Variants in DCAF13 observed in about 807,000 individuals in gnomAD.
DCAF13 encodes the protein DDB1 and CUL4 associated factor 13.
A neutral mutation model predicts 59.0 loss-of-function variants in DCAF13; 38 were observed. The observed-to-expected ratio is 0.64, with a 90% CI of 0.50 to 0.84. DCAF13 has a LOEUF of 0.84. DCAF13 is among the 40% of genes least tolerant of loss of function. The pLI is 0.00. For missense variants in DCAF13, 469 were observed against 558.4 expected (o/e 0.84, Z 1.61); for synonymous variants, 173 against 175.0 (o/e 0.99, Z 0.09).
chr8:103,418,330 G>GCAT (rs1218542256), intron 1 of DCAF13, among the ~76,000 whole-genome samples: 1 of 151,624 alleles, frequency 6.6e-6, no homozygotes, highest in Non-Finnish European at 1.5e-5. Flanking sequence ...AGTAGCCTGG[G>GCAT]CATCATAAGG....
At chr8:103,416,547 G>C (rs900203038) in intron 1 of DCAF13, among the ~76,000 whole-genome samples, 1 of 152,018 alleles carries the variant, frequency 6.6e-6, no homozygotes, top group Non-Finnish European at 1.5e-5. Flanking sequence ...ACCCAGTTTA[G>C]CCGCTTTCTC....
rs1270002640 is a variant in DCAF13 at position 103,443,369 on chromosome 8, A to G, written c.*487A>G. On this transcript the variant is annotated 3_prime_UTR_variant, in exon 11 of 11. Transcript: ENST00000612750. ...TTGGCTTTTTGACTCTTTTAAAACA[A>G]TCAGCCTGCATTTATATAACTTTTA... 2 of 152,124 alleles carry G rather than the reference A, an allele frequency of 1.3e-5. No homozygotes were observed. The highest frequency in any genetic ancestry group is 2.4e-5 in the African/African-American group (1 of 41,472). 9.4% of individuals were successfully genotyped at this position (152,124 alleles called of 1,614,324 possible).
chr8:103,435,143 A>G (rs772751571), intron 7 of DCAF13, among the ~76,000 whole-genome samples: 1 of 152,148 alleles, frequency 6.6e-6, no homozygotes, highest in Non-Finnish European at 1.5e-5. Flanking sequence ...ATTTGAACTT[A>G]TATATACAGC....
chr8:103,432,615 AAAAGG>A (rs375767025), intron 6 of DCAF13, 39 bp from the exon 7 acceptor site: 1 of 1,272,636 alleles, frequency 7.9e-7, no homozygotes, highest in Admixed American at 1.8e-5. Flanking sequence ...TGGGGAAAAG[AAAAGG>A]AAAGGAAGTG....
At chr8:103,433,473 G>C (rs1816892956) in intron 7 of DCAF13, among the ~76,000 whole-genome samples, 2 of 151,876 alleles carry the variant, frequency 1.3e-5, no homozygotes, top group African/African-American at 4.8e-5. Flanking sequence ...CTATGCCTTT[G>C]ATAGATTCTT....
At chr8:103,434,196 G>C (rs1429268703) in intron 7 of DCAF13, among the ~76,000 whole-genome samples, 1 of 151,932 alleles carries the variant, frequency 6.6e-6, no homozygotes, top group African/African-American at 2.4e-5. Context: ...AGAAACCTAA[G>C]TTCAAGTCTA....
chr8:103,428,512 A>C (rs1816822509), intron 5 of DCAF13: 1 of 152,058 alleles, frequency 6.6e-6, no homozygotes, highest in South Asian at 2.1e-4. Flanking sequence ...CCTGGTCTGG[A>C]GTGTCTGTCT....
chr8:103,427,573 A>T, intron 5 of DCAF13: 1 of 317,238 alleles, frequency 3.2e-6, no homozygotes, highest in Non-Finnish European at 5.7e-6. Context: ...TCCATAGATT[A>T]TGTCATTGTA....
intron 3 of DCAF13, among the ~76,000 whole-genome samples, chr8:103,425,525 A>G (rs1454265217): frequency 6.6e-6 from 1 of 152,204 alleles, no homozygotes; most frequent in Admixed American, 6.5e-5. Context: ...AGGGTCCTCC[A>G]GAGGCCCAAA....
chr8:103,426,036 A>C lies in DCAF13; in HGVS notation c.379-20A>C. The C allele has an allele frequency of 6.4e-7, 1 of 1,570,092 alleles. No homozygotes were observed. The highest frequency in any genetic ancestry group is 8.8e-7 in the Non-Finnish European group (1 of 1,140,158). The stretch of plus-strand genomic sequence containing the variant: ...AACTGTTGTTCCTTACCATCATCAT[A>C]ATAAAACAAATATTTCTAGGTTGGT... On this transcript the variant is annotated intron_variant, in intron 3 of 10. Coordinates refer to ENST00000612750, the MANE Select transcript of DCAF13 (RefSeq NM_015420.7).
intron 3 of DCAF13, among the ~76,000 whole-genome samples, chr8:103,423,179 C>A (rs369388757): frequency 1.1e-4 from 17 of 151,876 alleles, no homozygotes; most frequent in African/African-American, 4.1e-4. Context: ...TGGTTATTCT[C>A]TTGGATATAT....
chr8:103,427,389 A>G, intron 5 of DCAF13, 137 bp downstream of exon 5: 1 of 748,204 alleles, frequency 1.3e-6, no homozygotes, highest in Non-Finnish European at 2.2e-6. Context: ...CCCGATTGTA[A>G]ATGAGTTCTG....
chr8:103,418,137 A>AG (rs1315387951), intron 1 of DCAF13, among the ~76,000 whole-genome samples: 3 of 151,852 alleles, frequency 2.0e-5, no homozygotes, highest in Admixed American at 6.6e-5. Flanking sequence ...CAAAAAAAAA[A>AG]GAAAAAAAAA....
At position 103,432,698 on chromosome 8, in the gene DCAF13, C is replaced by T. The variant is rs1816882932; in HGVS notation, c.742C>T (p.Pro248Ser). The part of the protein sequence containing the change: ...DMRTNTICWN[P>S]MEAFIFTAAN... ...GAGAACAAATACAATCTGTTGGAACCCTATGGAAGCTTTCATTTTTACAGC... is the reference window on the plus strand; with the variant it reads ...GAGAACAAATACAATCTGTTGGAACTCTATGGAAGCTTTCATTTTTACAGC... The change falls in exon 7 of 11, where the codon CCT becomes TCT. Residue 248 changes from proline to serine, a missense_variant. Transcript: ENST00000612750. 1 of 1,605,944 alleles carries T rather than the reference C, an allele frequency of 6.2e-7. No individual in the cohort carries two copies. Among genetic ancestry groups the T allele is most frequent in the Non-Finnish European group, 8.5e-7 (1 of 1,173,956 alleles).
chr8:103,435,179 T>G (rs2130493021), intron 7 of DCAF13, among the ~76,000 whole-genome samples: 1 of 152,270 alleles, frequency 6.6e-6, no homozygotes, highest in South Asian at 2.1e-4. Context: ...AAAGATTGTT[T>G]AATAACATGG....
At chr8:103,425,732 C>T (rs575887728) in intron 3 of DCAF13, among the ~76,000 whole-genome samples, 78 of 152,206 alleles carry the variant, frequency 5.1e-4, no homozygotes, top group Non-Finnish European at 1.0e-3. Flanking sequence ...AATGACTAAC[C>T]AGATATTATA....
chr8:103,423,221 AT>A (rs796748512), intron 3 of DCAF13, among the ~76,000 whole-genome samples: 4 of 150,536 alleles, frequency 2.7e-5, no homozygotes, highest in Admixed American at 6.6e-5. Context: ...GACTTAGTGT[AT>A]TTTTTTTTAA....
intron 8 of DCAF13, among the ~76,000 whole-genome samples, chr8:103,436,238 A>C (rs1816930930): frequency 6.6e-6 from 1 of 152,182 alleles, no homozygotes; most frequent in South Asian, 2.1e-4. Flanking sequence ...TTTTTGCTCC[A>C]ATACAGTTTA....
rs76966915 is a variant in DCAF13, at chr8:103,437,600, G to T, written c.950+1810G>T. On this transcript the variant is annotated intron_variant, in intron 8 of 10. Coordinates refer to ENST00000612750, the MANE Select transcript of DCAF13 (RefSeq NM_015420.7). ...TCTTAATATGTGTTAACGTCCTGTT[G>T]TGTTTAGATATAAATGGTGTTCCCT... Among the ~76,000 whole-genome samples the T allele has an allele frequency of 8.5e-4, 130 of 152,154 alleles. 2 individuals are homozygous for T. In the East Asian group the frequency reaches 0.022, roughly 26 times the overall value.
Sources: allele counts gnomAD v4.1 joint callset (sites outside exome capture counted in the v4.1 genomes callset), GRCh38; gene constraint gnomAD v4.1.1; transcripts MANE v1.5; gene names NCBI Gene and HGNC (gene_info 2026-07-23, HGNC 2026-07-21).